The following ALKBH5 variants were observed in gnomAD, a reference collection of about 807,000 sequenced individuals.
ALKBH5 encodes the protein RNA demethylase ALKBH5.
A neutral mutation model predicts 32.1 loss-of-function variants in ALKBH5; 2 were observed. The observed-to-expected ratio is 0.06, with a 90% CI of 0.03 to 0.20. ALKBH5 has a LOEUF of 0.20. ALKBH5 is among the 10% of genes least tolerant of loss of function. ALKBH5 has a pLI of 1.00. For synonymous variants in ALKBH5, 300 were observed against 231.7 expected, an observed-to-expected ratio of 1.29 and a Z score of -2.68; for missense variants, 352 against 559.5, an observed-to-expected ratio of 0.63 and a Z score of 3.74.
At chr17:18,196,882 C>G (rs1219747943) in intron 2 of ALKBH5, among the ~76,000 whole-genome samples, 1 of 152,100 alleles carries the variant, frequency 6.6e-6, no homozygotes, top group Non-Finnish European at 1.5e-5. Flanking sequence ...TTTATTCAAT[C>G]ATTTATTTAT....
chr17:18,208,647 G>A lies in ALKBH5; in HGVS notation c.*251G>A. ...CTGTTGGCATCAATAGGGGACAGAGGCTGATGCTGGAGTGGCCAGTAGAGG... is the reference window on the plus strand; with the variant it reads ...CTGTTGGCATCAATAGGGGACAGAGACTGATGCTGGAGTGGCCAGTAGAGG... On this transcript the variant is annotated 3_prime_UTR_variant, in exon 4 of 4. Transcript: ENST00000399138. The A allele has an allele frequency of 1.7e-6, 1 of 605,742 alleles. No individual in the cohort carries two copies. Among genetic ancestry groups the A allele is most frequent in the African/African-American group, 1.9e-5 (1 of 53,780 alleles). The allele number at this position is 605,742 out of a possible 1,614,324, so 37.5% of individuals were successfully genotyped here.
chr17:18,206,282 G>T (rs559588325), intron 2 of ALKBH5, among the ~76,000 whole-genome samples: 1 of 152,182 alleles, frequency 6.6e-6, no homozygotes, highest in African/African-American at 2.4e-5. Context: ...ACTGCTCATG[G>T]TTGTGGAGTG....
At chr17:18,187,148 G>A (rs2047144271) in intron 1 of ALKBH5, among the ~76,000 whole-genome samples, 1 of 152,062 alleles carries the variant, frequency 6.6e-6, no homozygotes, top group African/African-American at 2.4e-5. Context: ...GAAGGTAACT[G>A]CAGAAGCACA....
At chr17:18,201,486 G>A (rs955058089) in intron 2 of ALKBH5, among the ~76,000 whole-genome samples, 2 of 152,066 alleles carry the variant, frequency 1.3e-5, no homozygotes, top group Non-Finnish European at 1.5e-5. Flanking sequence ...GGCTGGGTGC[G>A]GTGGCTCGCA....
intron 2 of ALKBH5, among the ~76,000 whole-genome samples, chr17:18,198,260 CA>C (rs2047215784): frequency 6.6e-6 from 1 of 152,154 alleles, no homozygotes; most frequent in Non-Finnish European, 1.5e-5. Context: ...ATACGCTTGC[CA>C]TTGTGAATTT....
intron 2 of ALKBH5, among the ~76,000 whole-genome samples, chr17:18,196,183 G>A (rs749909568): frequency 1.3e-5 from 2 of 151,070 alleles, no homozygotes; most frequent in Admixed American, 6.6e-5. Flanking sequence ...ACTCCTCTTG[G>A]CTGTAACAGT....
chr17:18,186,295 A>G lies in ALKBH5; in HGVS notation c.770+1282A>G, dbSNP rs919107226. ...TATAATGGGCTTCTGAGCTTCTCAG[A>G]TCTTCATGGCGCTCCTAGATGGATG... On this transcript the variant is annotated intron_variant, in intron 1 of 3. Transcript: ENST00000399138. 2.6e-5 allele frequency among the ~76,000 whole-genome samples: 4 copies of G among 152,130 alleles called. No individual in the cohort carries two copies. In the East Asian group the frequency reaches 5.8e-4, roughly 22 times the overall value.
chr17:18,193,496 G>T, intron 1 of ALKBH5, among the ~76,000 whole-genome samples: 1 of 151,702 alleles, frequency 6.6e-6, no homozygotes, highest in East Asian at 1.9e-4. Flanking sequence ...GCAGTGAGCC[G>T]AGATTGTGCC....
chr17:18,207,555 C>T (rs60285171), intron 3 of ALKBH5, among the ~76,000 whole-genome samples: 32,013 of 151,508 alleles, frequency 0.21, 3,689 homozygotes, highest in Middle Eastern at 0.32. Context: ...CCCAGCTCCT[C>T]GGGAGGCTGA....
chr17:18,187,504 C>T (rs1218191180), intron 1 of ALKBH5, among the ~76,000 whole-genome samples: 2 of 152,200 alleles, frequency 1.3e-5, no homozygotes, highest in Non-Finnish European at 2.9e-5. Context: ...CTTCTATCTG[C>T]TAGGTGCCAA....
At chr17:18,196,068 C>T (rs1264811640) in intron 2 of ALKBH5, among the ~76,000 whole-genome samples, 2 of 152,178 alleles carry the variant, frequency 1.3e-5, no homozygotes. Context: ...TGACTAAAGT[C>T]CATACTTTAT....
chr17:18,209,653 A>G lies in ALKBH5; in HGVS notation c.*1257A>G, dbSNP rs1473806545. The G allele has an allele frequency of 6.6e-6, 1 of 152,320 alleles. No homozygotes were observed. Among genetic ancestry groups the G allele is most frequent in the Non-Finnish European group, 1.5e-5 (1 of 68,078 alleles). The allele number at this position is 152,320 out of a possible 1,614,324, so 9.4% of individuals were successfully genotyped here. A position where few individuals can be genotyped will look rare whatever the true frequency, so the allele number is the denominator to read the frequency against. ...AGCCAGGCCAGGACCCGGGCTTGCC[A>G]AGAGCAGAGGCCCTCCCAGCAACCA... On this transcript the variant is annotated 3_prime_UTR_variant, in exon 4 of 4. Coordinates refer to ENST00000399138, the MANE Select transcript of ALKBH5 (RefSeq NM_017758.4).
At chr17:18,195,182 C>T in intron 2 of ALKBH5, 147 bp downstream of exon 2, 1 of 640,894 alleles carries the variant, frequency 1.6e-6, no homozygotes. Context: ...TATTTGAATC[C>T]TGTGAGGATA....
chr17:18,208,776 A>G lies in ALKBH5; in HGVS notation c.*380A>G, dbSNP rs1320215784. 2.9e-6 allele frequency: 1 copy of G among 347,764 alleles called. No homozygotes were observed. The highest frequency in any genetic ancestry group is 2.2e-5 in the African/African-American group (1 of 46,336). The allele number at this position is 347,764 out of a possible 1,614,324, so 21.5% of individuals were successfully genotyped here. Reference sequence around the variant, plus strand: ...AAGAAAATTATTTTGCTTTCAGTGTAAATCTTCGCAGTGTTCTAAACAAAG... The same window carrying G: ...AAGAAAATTATTTTGCTTTCAGTGTGAATCTTCGCAGTGTTCTAAACAAAG... On this transcript the variant is annotated 3_prime_UTR_variant, in exon 4 of 4. Transcript: ENST00000399138.
At chr17:18,191,437 C>G (rs1043744735) in intron 1 of ALKBH5, among the ~76,000 whole-genome samples, 1 of 152,214 alleles carries the variant, frequency 6.6e-6, no homozygotes, top group Non-Finnish European at 1.5e-5. Flanking sequence ...AGGAACCTGA[C>G]ATGGCTTATT....
In ALKBH5 at chr17:18,190,278, G is replaced by A. The variant is rs571340956; in HGVS notation, c.771-4677G>A. Among the ~76,000 whole-genome samples, 69 of 152,322 alleles carry A rather than the reference G, an allele frequency of 4.5e-4. No homozygotes were observed. In the Middle Eastern group the frequency reaches 0.01, roughly 23 times the overall value. ...TAAAGAATTTTTCAGGGCCAGGTGC[G>A]GTGGCTCATGCCTGTAATCCCAGCA... On this transcript the variant is annotated intron_variant, in intron 1 of 3. Transcript: ENST00000399138.
At chr17:18,191,734 C>G (rs763404416) in intron 1 of ALKBH5, among the ~76,000 whole-genome samples, 11 of 152,006 alleles carry the variant, frequency 7.2e-5, no homozygotes, top group Non-Finnish European at 1.3e-4. Context: ...CTTTGGGAGG[C>G]CGAGGTGGGT....
chr17:18,204,470 A>G (rs564537148), intron 2 of ALKBH5, among the ~76,000 whole-genome samples: 226 of 151,756 alleles, frequency 1.5e-3, no homozygotes, highest in Middle Eastern at 6.8e-3. Flanking sequence ...AAAAATAGAA[A>G]AGGTAATTGG....
At chr17:18,186,224 T>G (rs1435685089) in intron 1 of ALKBH5, among the ~76,000 whole-genome samples, 1 of 152,234 alleles carries the variant, frequency 6.6e-6, no homozygotes, top group African/African-American at 2.4e-5. Flanking sequence ...TTTAGCTCTT[T>G]AGGCATCTGA....
Sources: allele counts gnomAD v4.1 joint callset (sites outside exome capture counted in the v4.1 genomes callset), GRCh38; gene constraint gnomAD v4.1.1; transcripts MANE v1.5; gene names NCBI Gene and HGNC (gene_info 2026-07-23, HGNC 2026-07-21).